Variants in GPATCH2 observed in about 807,000 individuals in gnomAD.
The protein encoded by GPATCH2 is G-patch domain containing 2.
Under a neutral mutation model 58.0 loss-of-function variants are expected in GPATCH2, and 51 were observed. The observed-to-expected ratio is 0.88, with a 90% CI of 0.70 to 1.11. The LOEUF (loss-of-function observed/expected upper bound fraction) is 1.11. Among genes scored for constraint, GPATCH2 ranks in the 50% most tolerant of loss-of-function variants. The pLI, the probability that GPATCH2 is intolerant of heterozygous loss-of-function variation, is 0.00. For synonymous variants in GPATCH2, 222 were observed against 218.5 expected (o/e 1.02, Z -0.14); for missense variants, 625 against 652.2 (o/e 0.96, Z 0.45).
intron 8 of GPATCH2, among the ~76,000 whole-genome samples, chr1:217,481,164 A>T (rs1475415916): frequency 6.6e-6 from 1 of 152,234 alleles, no homozygotes; most frequent in African/African-American, 2.4e-5. Flanking sequence ...TAACTGGATT[A>T]TTGGTAATAC....
Position 217,429,956 on chromosome 1 carries a change from A to C in GPATCH2, c.*1189T>G, listed in dbSNP as rs1171297832. The C allele has an allele frequency of 7.4e-6, 1 of 135,544 alleles. No homozygotes were observed. Among genetic ancestry groups the C allele is most frequent in the East Asian group, 1.9e-4 (1 of 5,166 alleles). The allele number at this position is 135,544 out of a possible 1,614,324, so 8.4% of individuals were successfully genotyped here. ...TCAACCAGCAAAGGCCATTATAAAT[A>C]GAATGATAATAATCATCATCATAAT... On this transcript the variant is annotated 3_prime_UTR_variant, in exon 10 of 10. Coordinates refer to ENST00000366935, the MANE Select transcript of GPATCH2 (RefSeq NM_018040.5).
chr1:217,533,789 G>T (rs529084591), intron 5 of GPATCH2, among the ~76,000 whole-genome samples: 1 of 152,156 alleles, frequency 6.6e-6, no homozygotes, highest in Admixed American at 6.5e-5. Context: ...TTTTCATTAA[G>T]CTCTTTTTAT....
chr1:217,451,448 C>T (rs1659661028), intron 8 of GPATCH2, among the ~76,000 whole-genome samples: 1 of 152,164 alleles, frequency 6.6e-6, no homozygotes, highest in South Asian at 2.1e-4. Flanking sequence ...TCCATTTAAA[C>T]CATCATTTCA....
chr1:217,451,440 C>A (rs562151691), intron 8 of GPATCH2, among the ~76,000 whole-genome samples: 1 of 152,162 alleles, frequency 6.6e-6, no homozygotes, highest in Non-Finnish European at 1.5e-5. Context: ...GTTTTGGGTC[C>A]ATTTAAACCA....
In GPATCH2 at chr1:217,449,247, A is replaced by G; in HGVS notation, c.1366+2T>C. ...TCCACTCTAACCCTGCTTTTGTTTT[A>G]CCTGCAGTAGTAGGTCCAGGCAAAG... On this transcript the variant is annotated splice_donor_variant, in intron 9 of 9. Coordinates refer to ENST00000366935, the MANE Select transcript of GPATCH2 (RefSeq NM_018040.5). LOFTEE classifies it high-confidence loss of function. 2 of 1,535,728 alleles carry G rather than the reference A, an allele frequency of 1.3e-6. No homozygotes were observed. The highest frequency in any genetic ancestry group is 1.8e-6 in the Non-Finnish European group (2 of 1,108,388).
chr1:217,600,347 C>A (rs778872666), intron 5 of GPATCH2, among the ~76,000 whole-genome samples: 5 of 152,058 alleles, frequency 3.3e-5, no homozygotes, highest in Non-Finnish European at 5.9e-5. Context: ...TGGTTGGCAT[C>A]CTCTAACTAT....
At chr1:217,470,075 T>C (rs1660649521) in intron 8 of GPATCH2, among the ~76,000 whole-genome samples, 1 of 152,164 alleles carries the variant, frequency 6.6e-6, no homozygotes, top group East Asian at 1.9e-4. Flanking sequence ...TGCAGGTGTA[T>C]CCTAATCATT....
intron 5 of GPATCH2, among the ~76,000 whole-genome samples, chr1:217,524,461 C>T (rs1009325391): frequency 1.8e-4 from 27 of 151,848 alleles, no homozygotes; most frequent in Middle Eastern, 3.4e-3. Context: ...GACGGGGTGG[C>T]GGCCGGGCAG....
At chr1:217,516,341 T>C (rs1663151579) in intron 5 of GPATCH2, among the ~76,000 whole-genome samples, 1 of 152,216 alleles carries the variant, frequency 6.6e-6, no homozygotes, top group Non-Finnish European at 1.5e-5. Flanking sequence ...TTCAAAACCT[T>C]ACTTCTTCCC....
intron 8 of GPATCH2, among the ~76,000 whole-genome samples, chr1:217,464,018 TC>T (rs1660326591): frequency 6.6e-6 from 1 of 152,114 alleles, no homozygotes; most frequent in Admixed American, 6.5e-5. Context: ...TCATTTTTTT[TC>T]TAGTAACAGA....
At chr1:217,479,928 A>G (rs1351845811) in intron 8 of GPATCH2, among the ~76,000 whole-genome samples, 1 of 152,072 alleles carries the variant, frequency 6.6e-6, no homozygotes, top group Non-Finnish European at 1.5e-5. Context: ...AAGATTACGT[A>G]ATGATAAAGG....
intron 6 of GPATCH2, among the ~76,000 whole-genome samples, chr1:217,500,704 T>C (rs1662253819): frequency 1.3e-5 from 2 of 152,068 alleles, no homozygotes; most frequent in South Asian, 4.1e-4. Flanking sequence ...GGTGAGACCT[T>C]GCAATCTAGA....
chr1:217,504,976 G>T (rs1662479021), intron 6 of GPATCH2, among the ~76,000 whole-genome samples: 1 of 152,202 alleles, frequency 6.6e-6, no homozygotes, highest in African/African-American at 2.4e-5. Context: ...CTCTGAAAGA[G>T]AATGGGTATT....
intron 9 of GPATCH2, 129 bp from the exon 10 acceptor site, chr1:217,431,494 T>C: frequency 1.6e-6 from 1 of 634,184 alleles, no homozygotes; most frequent in Admixed American, 2.7e-5. Context: ...GGGGGTTGCG[T>C]ATTCATCTTT....
chr1:217,457,996 G>A (rs1266591866), intron 8 of GPATCH2, among the ~76,000 whole-genome samples: 3 of 152,184 alleles, frequency 2.0e-5, no homozygotes, highest in African/African-American at 7.2e-5. Context: ...GAGAGGCCGA[G>A]GCGGGCGGAC....
At chr1:217,452,483 G>T (rs1299529828) in intron 8 of GPATCH2, among the ~76,000 whole-genome samples, 1 of 152,020 alleles carries the variant, frequency 6.6e-6, no homozygotes, top group Non-Finnish European at 1.5e-5. Flanking sequence ...AATACCATTG[G>T]TTTCTATTTA....
chr1:217,469,481 AC>A (rs1243003849), intron 8 of GPATCH2, among the ~76,000 whole-genome samples: 1 of 152,162 alleles, frequency 6.6e-6, no homozygotes, highest in African/African-American at 2.4e-5. Context: ...AATTATTTCT[AC>A]AAAAAAAGCA....
chr1:217,620,955 G>C (rs1669159933), intron 1 of GPATCH2, among the ~76,000 whole-genome samples: 2 of 152,186 alleles, frequency 1.3e-5, no homozygotes, highest in African/African-American at 4.8e-5. Context: ...ACCAGTCACT[G>C]TCATATAAGA....
At chr1:217,495,209 C>T (rs1042630729) in intron 7 of GPATCH2, 5 of 160,392 alleles carry the variant, frequency 3.1e-5, no homozygotes, top group Non-Finnish European at 6.6e-5. Flanking sequence ...ATGGTTTTTA[C>T]ATTTAAAGAA....
Sources: gnomAD v4.1 joint callset for allele counts (sites outside exome capture counted in the v4.1 genomes callset) on GRCh38, gnomAD v4.1.1 for gene constraint, MANE v1.5 for transcripts, NCBI Gene and HGNC (gene_info 2026-07-23, HGNC 2026-07-21) for gene names.